Variants in TCTN3 observed in about 807,000 individuals in gnomAD.
TCTN3 encodes tectonic family member 3.
In TCTN3, 57 loss-of-function variants were observed where a neutral mutation model predicts 71.3. The ratio of observed to expected loss-of-function variants is 0.80; its 90% CI spans 0.65 to 1.00. The LOEUF is 1.00. Ranked by LOEUF, TCTN3 falls within the 50% of genes least tolerant of loss-of-function variation. The pLI is 0.00. For synonymous variants in TCTN3, 258 were observed against 267.8 expected (o/e 0.96, Z 0.36); for missense variants, 696 against 719.9 (o/e 0.97, Z 0.38).
At position 95,693,867 on chromosome 10, in the gene TCTN3, C is replaced by T; in HGVS notation, c.33G>A (p.Val11=). ...CGCCATCGGGGAACACCAGAAAGAA[C>T]ACTTGCAGGAGCGCGAGCTGTGGGG... MRTPQLALLQ[V]FFLVFPDGVR... The change falls in exon 1 of 14, where the codon GTG becomes GTA. Residue 11 remains valine (V), a synonymous_variant. Coordinates refer to ENST00000371217, the MANE Select transcript of TCTN3 (RefSeq NM_015631.6). 1 of 1,551,700 alleles carries T rather than the reference C, an allele frequency of 6.4e-7. No individual in the cohort carries two copies. The highest frequency in any genetic ancestry group is 8.7e-7 in the Non-Finnish European group (1 of 1,146,998).
intron 3 of TCTN3, among the ~76,000 whole-genome samples, chr10:95,691,590 T>C (rs1247840165): frequency 6.6e-6 from 1 of 152,238 alleles, no homozygotes; most frequent in African/African-American, 2.4e-5. Context: ...GAGACAAATA[T>C]AGTTTTGCAA....
At chr10:95,682,436 G>A (rs2097943915) in intron 12 of TCTN3, among the ~76,000 whole-genome samples, 1 of 151,840 alleles carries the variant, frequency 6.6e-6, no homozygotes, top group African/African-American at 2.4e-5. Context: ...GGAGGTTGCA[G>A]TGAACCGAGA....
rs749620204 is a variant in TCTN3 at position 95,686,492 on chromosome 10, T to A, written c.888+3A>T. 1.9e-6 allele frequency: 3 copies of A among 1,613,982 alleles called. No homozygotes were observed. The Admixed American group carries it at 5.0e-5, about 27-fold the overall frequency. On this transcript the variant is annotated splice_donor_region_variant and intron_variant, in intron 7 of 13. Transcript: ENST00000371217. ...CTTTTTTCCTGGTACAACAGCATCA[T>A]ACCTCCATATTCTGTGGATCAGTCA...
Position 95,693,752 on chromosome 10 carries a change from G to C in TCTN3, c.148C>G (p.Pro50Ala), listed in dbSNP as rs1196734977. The C allele has an allele frequency of 1.3e-6, 2 of 1,551,678 alleles. No individual in the cohort carries two copies. Among genetic ancestry groups the C allele is most frequent in the East Asian group, 2.4e-5 (1 of 40,922 alleles). ...GGGCGAGTTGCAGTCGCCTCTGAAG[G>C]GGACTGGAGGGTTCCGCCATCCGTC... ...RGTDGGTLQS[P>A]SEATATRPAV... The change falls in exon 1 of 14, where the codon CCT becomes GCT. Residue 50 changes from proline (P) to alanine (A), a missense_variant. By Grantham distance (27) the Pro-to-Ala change is conservative (BLOSUM62 -1). Coordinates refer to ENST00000371217, the MANE Select transcript of TCTN3 (RefSeq NM_015631.6).
At chr10:95,685,369 C>A (rs529228392) in intron 8 of TCTN3, among the ~76,000 whole-genome samples, 187 bp downstream of exon 8, 1 of 152,310 alleles carries the variant, frequency 6.6e-6, no homozygotes, top group African/African-American at 2.4e-5. Context: ...TTGAAATTCA[C>A]AATATGCTAC....
chr10:95,687,064 A>G lies in TCTN3; in HGVS notation c.832T>C (p.Tyr278His), dbSNP rs761804027. 6.2e-7 allele frequency: 1 copy of G among 1,614,026 alleles called. No homozygotes were observed. Among genetic ancestry groups the G allele is most frequent in the South Asian group, 1.1e-5 (1 of 91,084 alleles). ...LDSALNAASYYNFTVLKVPRS... is the reference protein window; with the variant it reads ...LDSALNAASYHNFTVLKVPRS... ...CCTACCTTTAAGACTGTGAAGTTAT[A>G]GTAAGAGGCAGCATTGAGGGCTGAA... is the stretch of plus-strand genomic sequence containing the variant. Residue 278 changes from tyrosine to histidine, a missense_variant, in exon 6 of 14, where the codon TAT (tyrosine) becomes CAT (histidine). Tyr to His is a moderately conservative substitution (Grantham distance 83, BLOSUM62 2). Coordinates refer to ENST00000371217, the MANE Select transcript of TCTN3 (RefSeq NM_015631.6).
chr10:95,676,327 T>C (rs766684153), intron 13 of TCTN3, among the ~76,000 whole-genome samples: 14 of 151,504 alleles, frequency 9.2e-5, no homozygotes, highest in Non-Finnish European at 2.1e-4. Flanking sequence ...GGATCTTTGC[T>C]CACTGCAACC....
intron 12 of TCTN3, among the ~76,000 whole-genome samples, chr10:95,681,288 C>T (rs1243453830): frequency 2.0e-5 from 3 of 152,186 alleles, no homozygotes; most frequent in Middle Eastern, 3.4e-3. Flanking sequence ...GTTGGTCAGT[C>T]TGGTCTTAAA....
chr10:95,669,792 G>C (rs1014003026), intron 13 of TCTN3, among the ~76,000 whole-genome samples: 2 of 152,064 alleles, frequency 1.3e-5, no homozygotes, highest in East Asian at 3.8e-4. Flanking sequence ...GGCCGGGCGC[G>C]GTGGCTCACG....
intron 13 of TCTN3, 61 bp from the exon 14 acceptor site, chr10:95,664,361 T>C: frequency 7.3e-7 from 1 of 1,366,096 alleles, no homozygotes; most frequent in Middle Eastern, 1.8e-4. Context: ...GCACTCTAAC[T>C]TGGCTGTTAT....
intron 11 of TCTN3, 41 bp downstream of exon 11, chr10:95,683,060 T>C (rs201484052): frequency 1.7e-4 from 257 of 1,551,698 alleles, no homozygotes; most frequent in Middle Eastern, 1.2e-3. Context: ...TCCCTACATA[T>C]TCCCGAAATT....
In TCTN3 at chr10:95,693,055, G is replaced by A. The variant is rs1317078515; in HGVS notation, c.381-17C>T. 8.2e-6 allele frequency: 13 copies of A among 1,578,190 alleles called. No homozygotes were observed. Among genetic ancestry groups the A allele is most frequent in the East Asian group, 2.3e-5 (1 of 43,874 alleles). On this transcript the variant is annotated splice_polypyrimidine_tract_variant and intron_variant, in intron 2 of 13. Coordinates refer to ENST00000371217, the MANE Select transcript of TCTN3 (RefSeq NM_015631.6). ...CTTGAAGACCTGTGAGGAAAGAGGA[G>A]GGAGAAGATATATTTAGAAGGGGCG... is the stretch of plus-strand genomic sequence containing the variant.
At position 95,692,995 on chromosome 10, in the gene TCTN3, T is replaced by G; in HGVS notation, c.424A>C (p.Ser142Arg). Residue 142 changes from serine to arginine, a missense_variant, in exon 3 of 14, where the codon AGT (serine) becomes CGT (arginine). Coordinates refer to ENST00000371217, the MANE Select transcript of TCTN3 (RefSeq NM_015631.6). Reference sequence around the variant, plus strand: ...ACTCTTGAAGGAAACGGGGAATTACTCCTGAAGATAACAGAGTTGTCTACA... The same window carrying G: ...ACTCTTGAAGGAAACGGGGAATTACGCCTGAAGATAACAGAGTTGTCTACA... ...VCVDNSVIFR[S>R]NSPFPSRVFM... 2.5e-6 allele frequency: 4 copies of G among 1,613,964 alleles called. No individual in the cohort carries two copies. Among genetic ancestry groups the G allele is most frequent in the Non-Finnish European group, 3.4e-6 (4 of 1,179,918 alleles).
intron 13 of TCTN3, among the ~76,000 whole-genome samples, chr10:95,679,208 A>C (rs996156113): frequency 6.6e-6 from 1 of 152,200 alleles, no homozygotes; most frequent in Non-Finnish European, 1.5e-5. Context: ...ACCCAGACAA[A>C]AAAAAGGCAC....
intron 13 of TCTN3, among the ~76,000 whole-genome samples, chr10:95,678,815 A>G (rs559616967): frequency 9.2e-5 from 14 of 152,316 alleles, no homozygotes; most frequent in African/African-American, 2.4e-4. Context: ...TGTAAGCACT[A>G]TAAGATATAA....
intron 2 of TCTN3, 33 bp downstream of exon 2, chr10:95,693,320 C>T: frequency 6.4e-7 from 1 of 1,551,434 alleles, no homozygotes; most frequent in Non-Finnish European, 8.7e-7. Flanking sequence ...GCCCCAAACC[C>T]CTTTAGGATT....
chr10:95,663,890 A>G lies in TCTN3; in HGVS notation c.*177T>C, dbSNP rs2097923747. 3.3e-6 allele frequency: 2 copies of G among 603,386 alleles called. No homozygotes were observed. The highest frequency in any genetic ancestry group is 5.7e-5 in the East Asian group (2 of 35,160). The allele number at this position is 603,386 out of a possible 1,614,324, so 37.4% of individuals were successfully genotyped here. A position where few individuals can be genotyped will look rare whatever the true frequency, so the allele number is the denominator to read the frequency against. ...AAAGCAGAGAGCTATGATGAATAAA[A>G]TATTTTTATTGCTTTTCTAAAATAA... On this transcript the variant is annotated 3_prime_UTR_variant, in exon 14 of 14. Transcript: ENST00000371217.
Position 95,680,458 on chromosome 10 carries a change from G to C in TCTN3, c.1590+14C>G. ...TTTGCAAGGTTTAGTGATCCTTTATGAGCCATGACTTACCTGTATAGACTG... is the reference window on the plus strand; with the variant it reads ...TTTGCAAGGTTTAGTGATCCTTTATCAGCCATGACTTACCTGTATAGACTG... On this transcript the variant is annotated intron_variant, in intron 13 of 13. Transcript: ENST00000371217. 2 of 1,602,534 alleles carry C rather than the reference G, an allele frequency of 1.2e-6. No individual in the cohort carries two copies. Among genetic ancestry groups the C allele is most frequent in the Non-Finnish European group, 1.7e-6 (2 of 1,175,976 alleles).
At chr10:95,680,733 G>A in intron 12 of TCTN3, 124 bp from the exon 13 acceptor site, 1 of 1,133,006 alleles carries the variant, frequency 8.8e-7, no homozygotes, top group Non-Finnish European at 1.2e-6. Flanking sequence ...TAGCTTAGTG[G>A]AAGAACACAA....
Sources: allele counts gnomAD v4.1 joint callset (sites outside exome capture counted in the v4.1 genomes callset), GRCh38; gene constraint gnomAD v4.1.1; transcripts MANE v1.5; gene names NCBI Gene and HGNC (gene_info 2026-07-23, HGNC 2026-07-21).